PRDM16: variants seen among roughly 807,000 people sequenced by gnomAD.
PRDM16 encodes the protein histone-lysine N-methyltransferase PRDM16.
Under a neutral mutation model 110.6 loss-of-function variants are expected in PRDM16, and 23 were observed. That is an observed-to-expected ratio of 0.21 (90% CI 0.15 to 0.29). PRDM16 has a LOEUF of 0.29. Among genes scored for constraint, PRDM16 ranks in the 10% least tolerant of loss-of-function variants. PRDM16 has a pLI of 1.00. For missense variants in PRDM16, 1,615 were observed against 1,794.3 expected, an observed-to-expected ratio of 0.90 and a Z score of 1.81; for synonymous variants, 799 against 781.8, an observed-to-expected ratio of 1.02 and a Z score of -0.37.
At chr1:3,380,210 C>T (rs1643078473) in intron 3 of PRDM16, among the ~76,000 whole-genome samples, 1 of 151,698 alleles carries the variant, frequency 6.6e-6, no homozygotes, top group African/African-American at 2.4e-5. Context: ...CAGACCAGGG[C>T]TTCTCCTGGC....
At chr1:3,111,921 C>T (rs1032186426) in intron 1 of PRDM16, among the ~76,000 whole-genome samples, 2 of 152,190 alleles carry the variant, frequency 1.3e-5, no homozygotes, top group African/African-American at 4.8e-5. Flanking sequence ...ATCATGTACT[C>T]GAAATTAACT....
intron 1 of PRDM16, among the ~76,000 whole-genome samples, chr1:3,117,792 G>T (rs1395399298): frequency 6.6e-6 from 1 of 152,044 alleles, no homozygotes; most frequent in Non-Finnish European, 1.5e-5. Context: ...GGCTCTCCAT[G>T]GGACCACAGA....
chr1:3,310,771 G>A (rs1641433240), intron 3 of PRDM16, among the ~76,000 whole-genome samples: 1 of 151,902 alleles, frequency 6.6e-6, no homozygotes, highest in Non-Finnish European at 1.5e-5. Context: ...TGCATGTATG[G>A]GTGTGTATGT....
chr1:3,258,079 G>T (rs1019228454), intron 3 of PRDM16, among the ~76,000 whole-genome samples: 1 of 152,174 alleles, frequency 6.6e-6, no homozygotes, highest in Non-Finnish European at 1.5e-5. Flanking sequence ...TGCTTTTGGT[G>T]CCCCAGTTCC....
chr1:3,109,742 G>C (rs1360446889), intron 1 of PRDM16, among the ~76,000 whole-genome samples: 1 of 152,220 alleles, frequency 6.6e-6, no homozygotes, highest in Non-Finnish European at 1.5e-5. Context: ...AACGAGTATG[G>C]GAGTTATTAC....
rs1642455260 is a variant in PRDM16, at chr1:3,350,216, C to T, written c.439-34936C>T. ...TGGCATGTGCTGGTAGTTCCAGCTACTCAGGAGGCTGAGGCAGGAGGATCG... is the reference window on the plus strand; with the variant it reads ...TGGCATGTGCTGGTAGTTCCAGCTATTCAGGAGGCTGAGGCAGGAGGATCG... On this transcript the variant is annotated intron_variant, in intron 3 of 16. Coordinates refer to ENST00000270722, the MANE Select transcript of PRDM16 (RefSeq NM_022114.4). The surrounding 1 kb of genome is among the most constrained non-coding windows in gnomAD (Gnocchi z 7.1). 6.6e-6 allele frequency among the ~76,000 whole-genome samples: 1 copy of T among 152,204 alleles called. No individual in the cohort carries two copies. Among genetic ancestry groups the T allele is most frequent in the Non-Finnish European group, 1.5e-5 (1 of 68,032 alleles).
intron 3 of PRDM16, among the ~76,000 whole-genome samples, chr1:3,293,588 C>G (rs1641024001): frequency 1.3e-5 from 2 of 152,218 alleles, no homozygotes; most frequent in Admixed American, 1.3e-4. Context: ...TTGAAGTACC[C>G]AGGCCAGGAA....
At chr1:3,214,604 G>A (rs1447531882) in intron 2 of PRDM16, among the ~76,000 whole-genome samples, 2 of 152,224 alleles carry the variant, frequency 1.3e-5, no homozygotes, top group African/African-American at 4.8e-5. Flanking sequence ...GGCTGAGGCA[G>A]GAGAAATGCT....
rs552137951 is a variant in PRDM16, at chr1:3,227,562, C to A, written c.388-16525C>A. Among the ~76,000 whole-genome samples, 133 of 152,378 alleles carry A rather than the reference C, an allele frequency of 8.7e-4. 1 individual carries two copies. In the East Asian group the frequency reaches 0.02, roughly 23 times the overall value. On this transcript the variant is annotated intron_variant, in intron 2 of 16. Coordinates refer to ENST00000270722, the MANE Select transcript of PRDM16 (RefSeq NM_022114.4). ...GGGCCGCAGCTGCGGCGGGGCTCTGCCGTGCACTCTAGCAGCCAGTGCCAA... is the reference window on the plus strand; with the variant it reads ...GGGCCGCAGCTGCGGCGGGGCTCTGACGTGCACTCTAGCAGCCAGTGCCAA...
At chr1:3,281,562 G>T (rs1319955843) in intron 3 of PRDM16, among the ~76,000 whole-genome samples, 1 of 152,218 alleles carries the variant, frequency 6.6e-6, no homozygotes, top group Non-Finnish European at 1.5e-5. Flanking sequence ...GCTCTGATTG[G>T]GTTCACTGAT....
At chr1:3,221,630 T>A (rs1285774448) in intron 2 of PRDM16, among the ~76,000 whole-genome samples, 1 of 152,140 alleles carries the variant, frequency 6.6e-6, no homozygotes, top group Non-Finnish European at 1.5e-5. Context: ...CCTCTTGCAT[T>A]TCCCCCTTCT....
chr1:3,402,470 TC>T (rs1232908974), intron 5 of PRDM16, among the ~76,000 whole-genome samples: 1 of 152,196 alleles, frequency 6.6e-6, no homozygotes, highest in Non-Finnish European at 1.5e-5. Flanking sequence ...CCTCCTCCAC[TC>T]CCGAGCGGGG....
intron 1 of PRDM16, among the ~76,000 whole-genome samples, chr1:3,182,411 C>T (rs957689513): frequency 6.6e-6 from 1 of 152,222 alleles, no homozygotes. Context: ...CGGTTTAGCA[C>T]AGTGGTCCTG....
chr1:3,177,282 T>TCCCAC (rs1267629537), intron 1 of PRDM16, among the ~76,000 whole-genome samples: 1 of 152,152 alleles, frequency 6.6e-6, no homozygotes, highest in Non-Finnish European at 1.5e-5. Context: ...CTATTCACAC[T>TCCCAC]CCCACCCATA....
intron 14 of PRDM16, among the ~76,000 whole-genome samples, chr1:3,427,221 C>A (rs993120265): frequency 1.3e-5 from 2 of 152,220 alleles, no homozygotes; most frequent in Non-Finnish European, 2.9e-5. Flanking sequence ...TCTGGGGGAG[C>A]CTTCAGACAC....
chr1:3,425,576 T>C lies in PRDM16; in HGVS notation c.2940-5T>C. 6.2e-7 allele frequency: 1 copy of C among 1,613,448 alleles called. No individual in the cohort carries two copies. Among genetic ancestry groups the C allele is most frequent in the Non-Finnish European group, 8.5e-7 (1 of 1,179,772 alleles). On this transcript the variant is annotated splice_region_variant and splice_polypyrimidine_tract_variant and intron_variant, in intron 12 of 16. Transcript: ENST00000270722. This position sits in a 1 kb window ranked among gnomAD's most constrained non-coding sequence, Gnocchi z 6.9. ...TGCACTGAGGAGCGCGTGTGCCCCT[T>C]CCAGGTGTAAGTACTGCGACCGCTC...
Position 3,246,095 on chromosome 1 carries a change from CT to C in PRDM16, c.438+1959del, listed in dbSNP as rs1270027557. 6.6e-6 allele frequency among the ~76,000 whole-genome samples: 1 copy of C among 152,150 alleles called. No individual in the cohort carries two copies. Among genetic ancestry groups the C allele is most frequent in the Non-Finnish European group, 1.5e-5 (1 of 68,022 alleles). ...AGGGCCCGGGGGAGGCAAGTGCTGG[CT>C]GCTTCTGAACCAGAACGAACTAGGA... On this transcript the variant is annotated intron_variant, in intron 3 of 16. Transcript: ENST00000270722. This position sits in a 1 kb window ranked among gnomAD's most constrained non-coding sequence, Gnocchi z 5.2.
At chr1:3,187,623 CACCG>C (rs1253726274) in intron 2 of PRDM16, among the ~76,000 whole-genome samples, 1 of 152,192 alleles carries the variant, frequency 6.6e-6, no homozygotes. Flanking sequence ...TTTGTAAGAA[CACCG>C]ACGGCCTGGG....
In PRDM16 at chr1:3,235,684, C is replaced by T. The variant is rs1249970458; in HGVS notation, c.388-8403C>T. Among the ~76,000 whole-genome samples, 6 of 152,310 alleles carry T rather than the reference C, an allele frequency of 3.9e-5. No homozygotes were observed. In the East Asian group the frequency reaches 9.7e-4, roughly 25 times the overall value. Reference sequence around the variant, plus strand: ...TGGAGCCCAGGAACAACAGGCCTTCCCCAGCTCCGCCTGACATGGGGGAAA... The same window carrying T: ...TGGAGCCCAGGAACAACAGGCCTTCTCCAGCTCCGCCTGACATGGGGGAAA... On this transcript the variant is annotated intron_variant, in intron 2 of 16. Coordinates refer to ENST00000270722, the MANE Select transcript of PRDM16 (RefSeq NM_022114.4).
Sources: gnomAD v4.1 joint callset for allele counts (sites outside exome capture counted in the v4.1 genomes callset) on GRCh38, gnomAD v4.1.1 for gene constraint, Gnocchi (gnomAD v3.1) non-coding constraint, MANE v1.5 for transcripts, NCBI Gene and HGNC (gene_info 2026-07-23, HGNC 2026-07-21) for gene names.